The following CDH13 variants were observed in gnomAD, a reference collection of about 807,000 sequenced individuals.
CDH13 encodes cadherin 13.
In CDH13, 24 loss-of-function variants were observed where a neutral mutation model predicts 63.8. The observed-to-expected ratio is 0.38, with a 90% confidence interval of 0.27 to 0.53. CDH13 has a LOEUF of 0.53. Among genes scored for constraint, CDH13 ranks in the 20% least tolerant of loss-of-function variants. CDH13 has a pLI of 0.85. For missense variants in CDH13, 1,049 were observed against 903.1 expected, an observed-to-expected ratio of 1.16 and a Z score of -2.07; for synonymous variants, 503 against 355.3, an observed-to-expected ratio of 1.42 and a Z score of -4.67.
At chr16:83,344,762 A>T (rs951074929) in intron 5 of CDH13, 100 bp from the exon 6 acceptor site, 46 of 1,319,428 alleles carry the variant, frequency 3.5e-5, no homozygotes, top group Admixed American at 5.7e-5. Context: ...CCAAGGGCTC[A>T]TAAAATTGTC....
At position 82,718,776 on chromosome 16, in the gene CDH13, C is replaced by T. The variant is rs567469268; in HGVS notation, c.45+91639C>T. Among the ~76,000 whole-genome samples, 3 of 152,184 alleles carry T rather than the reference C, an allele frequency of 2.0e-5. No individual in the cohort carries two copies. In the South Asian group the frequency reaches 6.2e-4, roughly 32 times the overall value. On this transcript the variant is annotated intron_variant, in intron 1 of 13. Transcript: ENST00000567109. ...GATCACAAGAACAGCATGGGAAAGACCCAGCCCCATGAATGAATTATCTCC... is the reference window on the plus strand; with the variant it reads ...GATCACAAGAACAGCATGGGAAAGATCCAGCCCCATGAATGAATTATCTCC...
intron 11 of CDH13, among the ~76,000 whole-genome samples, chr16:83,753,997 G>C (rs1386383194): frequency 6.6e-6 from 1 of 151,884 alleles, no homozygotes; most frequent in South Asian, 2.1e-4. Context: ...TGAGAGTCAG[G>C]CTTGGCCCAT....
intron 10 of CDH13, among the ~76,000 whole-genome samples, chr16:83,720,567 A>T (rs975939880): frequency 6.6e-6 from 1 of 151,548 alleles, no homozygotes; most frequent in Non-Finnish European, 1.5e-5. Context: ...ACATAGTGAG[A>T]CCCCGTCTCT....
intron 3 of CDH13, among the ~76,000 whole-genome samples, chr16:83,056,046 T>C (rs541586297): frequency 6.6e-6 from 1 of 152,266 alleles, no homozygotes; most frequent in East Asian, 1.9e-4. Context: ...GGAGGAAATA[T>C]TTAACAGGCT....
chr16:83,102,122 T>C (rs945443685), intron 3 of CDH13, among the ~76,000 whole-genome samples: 1 of 152,144 alleles, frequency 6.6e-6, no homozygotes, highest in African/African-American at 2.4e-5. Context: ...GAAGGGTCCA[T>C]GAGCCAAGGA....
chr16:83,323,777 C>T (rs766967485), intron 5 of CDH13, among the ~76,000 whole-genome samples: 48 of 152,202 alleles, frequency 3.2e-4, no homozygotes, highest in Non-Finnish European at 6.2e-4. Context: ...CTAGTAGATT[C>T]TTCACTAGCC....
intron 2 of CDH13, among the ~76,000 whole-genome samples, chr16:82,949,102 G>T (rs1905039671): frequency 6.6e-6 from 1 of 152,118 alleles, no homozygotes; most frequent in East Asian, 1.9e-4. Flanking sequence ...AGTTTCTTAG[G>T]GCTGACATGA....
intron 10 of CDH13, among the ~76,000 whole-genome samples, chr16:83,737,158 C>G (rs1213638052): frequency 1.3e-5 from 2 of 152,206 alleles, no homozygotes; most frequent in African/African-American, 4.8e-5. Flanking sequence ...GGCCCCACCC[C>G]TTTCCTGCCC....
intron 1 of CDH13, among the ~76,000 whole-genome samples, chr16:82,632,737 C>T (rs1908167626): frequency 6.6e-6 from 1 of 152,086 alleles, no homozygotes; most frequent in Non-Finnish European, 1.5e-5. Context: ...GATTCAAGCA[C>T]ATTACATTTA....
At chr16:83,590,256 AG>A (rs746700132) in intron 7 of CDH13, among the ~76,000 whole-genome samples, 31 of 152,178 alleles carry the variant, frequency 2.0e-4, no homozygotes, top group Non-Finnish European at 4.1e-4. Context: ...CCAACCTGGA[AG>A]CTGTTGCATA....
chr16:83,492,810 T>G (rs2074044973), intron 7 of CDH13, among the ~76,000 whole-genome samples: 1 of 152,240 alleles, frequency 6.6e-6, no homozygotes, highest in East Asian at 1.9e-4. Context: ...GCTCCTCCAC[T>G]CTGGATAAAT....
intron 1 of CDH13, among the ~76,000 whole-genome samples, chr16:82,659,003 T>C (rs1327768281): frequency 6.6e-6 from 1 of 152,162 alleles, no homozygotes; most frequent in Non-Finnish European, 1.5e-5. Context: ...TCTAATCCCC[T>C]CCTGGCCATC....
At chr16:83,004,523 A>G (rs1474681101) in intron 2 of CDH13, among the ~76,000 whole-genome samples, 1 of 152,006 alleles carries the variant, frequency 6.6e-6, no homozygotes, top group African/African-American at 2.4e-5. Flanking sequence ...TTTTTTTCCC[A>G]AGACTGAGTC....
At chr16:83,028,227 A>G (rs1211745841) in intron 2 of CDH13, among the ~76,000 whole-genome samples, 1 of 152,216 alleles carries the variant, frequency 6.6e-6, no homozygotes, top group African/African-American at 2.4e-5. Flanking sequence ...TGATGATAAC[A>G]GTGAAAGCAA....
chr16:82,666,137 GT>G (rs1049032217), intron 1 of CDH13, among the ~76,000 whole-genome samples: 1 of 152,048 alleles, frequency 6.6e-6, no homozygotes, highest in Admixed American at 6.6e-5. Context: ...TCTCACGTCT[GT>G]TTTTTTGCCA....
chr16:83,027,302 A>T (rs566150433), intron 2 of CDH13, among the ~76,000 whole-genome samples: 5 of 152,178 alleles, frequency 3.3e-5, no homozygotes, highest in Admixed American at 6.5e-5. Context: ...AAAAACAAAT[A>T]CATAATATGG....
chr16:83,526,495 A>G (rs2074963232), intron 7 of CDH13, among the ~76,000 whole-genome samples: 1 of 152,132 alleles, frequency 6.6e-6, no homozygotes, highest in Non-Finnish European at 1.5e-5. Flanking sequence ...ACAGTTCACA[A>G]TAGGTTTTGC....
chr16:82,903,128 G>C (rs1475940490), intron 2 of CDH13, among the ~76,000 whole-genome samples: 1 of 152,252 alleles, frequency 6.6e-6, no homozygotes, highest in Non-Finnish European at 1.5e-5. Context: ...GCAGTAAGTG[G>C]TGAAACCACC....
At chr16:83,123,152 G>A (rs186780974) in intron 3 of CDH13, among the ~76,000 whole-genome samples, 2 of 151,912 alleles carry the variant, frequency 1.3e-5, no homozygotes, top group East Asian at 3.9e-4. Context: ...GCGTGTGTGT[G>A]TATGAGTATG....
Sources: gnomAD v4.1 joint callset for allele counts (sites outside exome capture counted in the v4.1 genomes callset) on GRCh38, gnomAD v4.1.1 for gene constraint, MANE v1.5 for transcripts, NCBI Gene and HGNC (gene_info 2026-07-23, HGNC 2026-07-21) for gene names.